PDE7B: variants seen among roughly 807,000 people sequenced by gnomAD.
PDE7B encodes 3',5'-cyclic-AMP phosphodiesterase 7B.
PDE7B carries 29 observed loss-of-function variants against 56.2 expected under a neutral mutation model. That is an observed-to-expected ratio of 0.52 (90% confidence interval 0.38 to 0.70). The LOEUF is 0.70. Ranked by LOEUF, PDE7B falls within the 30% of genes least tolerant of loss-of-function variation. PDE7B has a pLI of 0.00. For missense variants in PDE7B, 490 were observed against 565.0 expected (o/e 0.87, Z 1.35); for synonymous variants, 197 against 196.9 (o/e 1.00, Z 0.00).
intron 2 of PDE7B, among the ~76,000 whole-genome samples, chr6:136,068,929 G>A (rs1037650600): frequency 3.9e-5 from 6 of 152,136 alleles, no homozygotes; most frequent in African/African-American, 1.4e-4. Flanking sequence ...ATTTCTTTCA[G>A]GGCCTGCTAT....
At chr6:136,072,253 G>C (rs776034576) in intron 2 of PDE7B, among the ~76,000 whole-genome samples, 1 of 152,160 alleles carries the variant, frequency 6.6e-6, no homozygotes, top group South Asian at 2.1e-4. Flanking sequence ...AAGACAAATC[G>C]AAATTGTCCT....
intron 9 of PDE7B, among the ~76,000 whole-genome samples, chr6:136,175,946 CTTT>C (rs1448595548): frequency 6.6e-6 from 1 of 151,838 alleles, no homozygotes; most frequent in Non-Finnish European, 1.5e-5. Context: ...TTATTTTTAT[CTTT>C]TTAAAATATT....
intron 3 of PDE7B, among the ~76,000 whole-genome samples, chr6:136,134,888 C>G (rs1778185983): frequency 6.6e-6 from 1 of 151,838 alleles, no homozygotes; most frequent in Admixed American, 6.6e-5. Context: ...GGAGCTCATT[C>G]TATTCCATGA....
intron 10 of PDE7B, among the ~76,000 whole-genome samples, chr6:136,180,404 C>G (rs1779043552): frequency 6.6e-6 from 1 of 152,130 alleles, no homozygotes; most frequent in African/African-American, 2.4e-5. Flanking sequence ...GAGGAGGCTT[C>G]TCTGACACTT....
intron 2 of PDE7B, among the ~76,000 whole-genome samples, chr6:135,953,759 C>A (rs936057633): frequency 1.6e-4 from 24 of 151,964 alleles, no homozygotes; most frequent in Admixed American, 2.0e-4. Flanking sequence ...TAATGAACAT[C>A]CTTATAGGTT....
At chr6:135,865,615 TTGTGTGTGTGTG>T (rs3037648) in intron 1 of PDE7B, among the ~76,000 whole-genome samples, 2,858 of 142,364 alleles carry the variant, frequency 0.02, 43 homozygotes, top group Non-Finnish European at 0.029. Context: ...GCACTAGGCA[TTGTGTGTGTGTG>T]TGTGTGTGTG....
At chr6:136,107,692 A>C (rs148592897) in intron 2 of PDE7B, among the ~76,000 whole-genome samples, 2 of 152,320 alleles carry the variant, frequency 1.3e-5, no homozygotes, top group East Asian at 3.9e-4. Flanking sequence ...CCAAGATCAC[A>C]CAAGTAGCAA....
intron 9 of PDE7B, among the ~76,000 whole-genome samples, chr6:136,175,895 T>C (rs1007579017): frequency 1.3e-5 from 2 of 152,144 alleles, no homozygotes; most frequent in African/African-American, 4.8e-5. Flanking sequence ...AACTGATGGA[T>C]TGTAAGAAAA....
At chr6:136,063,801 C>T (rs925950237) in intron 2 of PDE7B, among the ~76,000 whole-genome samples, 2 of 152,166 alleles carry the variant, frequency 1.3e-5, no homozygotes, top group Non-Finnish European at 2.9e-5. Context: ...TTCAAAACCT[C>T]ATATCCAACC....
chr6:136,155,679 CA>C lies in PDE7B; in HGVS notation c.633del (p.Ala212HisfsTer9). 1 of 1,613,700 alleles carries C rather than the reference CA, an allele frequency of 6.2e-7. No homozygotes were observed. The highest frequency in any genetic ancestry group is 8.5e-7 in the Non-Finnish European group (1 of 1,179,654). On this transcript the variant is annotated frameshift_variant, in exon 8 of 13. Coordinates refer to ENST00000308191, the MANE Select transcript of PDE7B (RefSeq NM_018945.4). LOFTEE classifies it high-confidence loss of function. ...ATCATGCTTGGACTGCTGGCTGCAG[CA>C]GCACACGATGTGGACCACCCAGGGG... The part of the protein sequence containing the change: ...LDIMLGLLAA[A>X]AHDVDHPGVN...
intron 11 of PDE7B, among the ~76,000 whole-genome samples, chr6:136,183,638 T>G (rs1779103478): frequency 1.3e-5 from 2 of 151,476 alleles, no homozygotes; most frequent in African/African-American, 4.8e-5. Flanking sequence ...AAGAGTAGAT[T>G]CCCTGGTCAT....
intron 1 of PDE7B, among the ~76,000 whole-genome samples, chr6:135,852,596 C>A (rs1371847837): frequency 6.6e-6 from 1 of 152,080 alleles, no homozygotes; most frequent in Non-Finnish European, 1.5e-5. Flanking sequence ...GAAGAAAAAT[C>A]CTTCATCACC....
At chr6:136,007,652 T>TG (rs956250319) in intron 2 of PDE7B, among the ~76,000 whole-genome samples, 11 of 147,554 alleles carry the variant, frequency 7.5e-5, no homozygotes, top group African/African-American at 2.5e-4. Context: ...CCTTTCTTGG[T>TG]GAAAAAAAAA....
chr6:136,185,231 A>G (rs983242889), intron 11 of PDE7B, among the ~76,000 whole-genome samples: 2 of 152,148 alleles, frequency 1.3e-5, no homozygotes, highest in Non-Finnish European at 2.9e-5. Flanking sequence ...AGACCCCAGG[A>G]GGCAGACTAC....
At position 136,175,831 on chromosome 6, in the gene PDE7B, T is replaced by G. The variant is rs1035846423; in HGVS notation, c.803+1943T>G. Among the ~76,000 whole-genome samples, 12 of 152,262 alleles carry G rather than the reference T, an allele frequency of 7.9e-5. No individual in the cohort carries two copies. The South Asian group carries it at 2.5e-3, about 32-fold the overall frequency. ...GGTCAGAAAGGTCTGAACTTTTAAGTTTCTTGTATATTATCCAGTTGTTCT... is the reference window on the plus strand; with the variant it reads ...GGTCAGAAAGGTCTGAACTTTTAAGGTTCTTGTATATTATCCAGTTGTTCT... On this transcript the variant is annotated intron_variant, in intron 9 of 12. Transcript: ENST00000308191.
chr6:135,934,892 T>A (rs1197860811), intron 1 of PDE7B, among the ~76,000 whole-genome samples: 1 of 105,130 alleles, frequency 9.5e-6, no homozygotes, highest in African/African-American at 4.3e-5. Context: ...TATTTAAATA[T>A]ATATTTAAAT....
chr6:135,880,365 C>T (rs1775585027), intron 1 of PDE7B, among the ~76,000 whole-genome samples: 1 of 152,178 alleles, frequency 6.6e-6, no homozygotes, highest in Admixed American at 6.5e-5. Flanking sequence ...CCAACAAACA[C>T]TTATGAAATA....
chr6:135,907,624 A>G (rs1339678215), intron 1 of PDE7B, among the ~76,000 whole-genome samples: 1 of 152,168 alleles, frequency 6.6e-6, no homozygotes, highest in Admixed American at 6.5e-5. Flanking sequence ...AATGTACAAC[A>G]TTAACTGTTT....
intron 2 of PDE7B, among the ~76,000 whole-genome samples, chr6:136,021,779 T>C (rs558348727): frequency 2.0e-5 from 3 of 152,342 alleles, no homozygotes; most frequent in Non-Finnish European, 4.4e-5. Flanking sequence ...CTTGTTCCTA[T>C]GCAATTTCTT....
Sources: gnomAD v4.1 joint callset for allele counts (sites outside exome capture counted in the v4.1 genomes callset) on GRCh38, gnomAD v4.1.1 for gene constraint, MANE v1.5 for transcripts, NCBI Gene and HGNC (gene_info 2026-07-23, HGNC 2026-07-21) for gene names.